SIGLEC12: variants seen among roughly 807,000 people sequenced by gnomAD.
SIGLEC12 encodes sialic acid binding Ig like lectin 12.
Under a neutral mutation model 54.1 loss-of-function variants are expected in SIGLEC12, and 43 were observed. That is an observed-to-expected ratio of 0.80 (90% confidence interval 0.62 to 1.03). The LOEUF is 1.03. Ranked by LOEUF, SIGLEC12 falls within the 50% of genes least tolerant of loss-of-function variation. The pLI is 0.00. For missense variants in SIGLEC12, 802 were observed against 735.2 expected (o/e 1.09, Z -1.05); for synonymous variants, 357 against 307.6 (o/e 1.16, Z -1.68).
rs781276956 is a variant in SIGLEC12, at chr19:51,496,931, C to T, written c.1548G>A (p.Val516=). The T allele has an allele frequency of 1.2e-6, 2 of 1,613,808 alleles. No individual in the cohort carries two copies. The highest frequency in any genetic ancestry group is 1.7e-5 in the Admixed American group (1 of 60,034). Residue 516 remains valine (V), a synonymous_variant, in exon 7 of 8, where the codon GTG becomes GTA. Coordinates refer to ENST00000291707, the MANE Select transcript of SIGLEC12 (RefSeq NM_053003.4). ...TTGCGTCCTCCATGCCTGTATCCCC[C>T]ACGCCCACTGCTGGCCTTGCCGATT... is the stretch of plus-strand genomic sequence containing the variant. ...RKKSARPAVG[V]GDTGMEDANA...
At chr19:51,496,647 C>T (rs1990245863) in intron 7 of SIGLEC12, among the ~76,000 whole-genome samples, 1 of 151,948 alleles carries the variant, frequency 6.6e-6, no homozygotes, top group Non-Finnish European at 1.5e-5. Flanking sequence ...GAAGGGGAGG[C>T]AAGAGGCAGG....
Position 51,497,369 on chromosome 19 carries a change from G to T in SIGLEC12, c.1482C>A (p.Tyr494Ter), listed in dbSNP as rs1990269748. Residue 494 changes from tyrosine to a stop codon, truncating the protein, a stop_gained, in exon 6 of 8, where the codon TAC becomes TAA. Transcript: ENST00000291707. LOFTEE classifies it high-confidence loss of function. ...CTCACACAACGAAGATGATGCAGAA[G>T]TACAGGAAGACCAGGGCTGTGGCTC... ...GAGATALVFLYFCIIFVVVRS... is the reference protein window; with the variant it reads ...GAGATALVFL The T allele has an allele frequency of 1.9e-6, 3 of 1,613,274 alleles. No homozygotes were observed. Among genetic ancestry groups the T allele is most frequent in the Non-Finnish European group, 2.5e-6 (3 of 1,179,328 alleles).
intron 1 of SIGLEC12, 72 bp from the exon 2 acceptor site, chr19:51,500,372 A>C (rs772462708): frequency 1.2e-6 from 2 of 1,612,378 alleles, no homozygotes; most frequent in Non-Finnish European, 1.7e-6. Context: ...GGGCAGCAGC[A>C]TCTCTGAGGC....
In SIGLEC12 at chr19:51,497,435, C is replaced by T. The variant is rs1990272677; in HGVS notation, c.1416G>A (p.Arg472=). The part of the protein sequence containing the change: ...SLQNEYTGKM[R]PISGVTLGAF... Reference sequence around the variant, plus strand: ...CCCCTAGCGTCACTCCTGATATAGGCCTCATTTTGCCTGAGGATGGATTGG... The same window carrying T: ...CCCCTAGCGTCACTCCTGATATAGGTCTCATTTTGCCTGAGGATGGATTGG... Residue 472 remains arginine (R), a synonymous_variant, in exon 6 of 8, where the codon AGG becomes AGA. Coordinates refer to ENST00000291707, the MANE Select transcript of SIGLEC12 (RefSeq NM_053003.4). 5.0e-6 allele frequency: 8 copies of T among 1,610,824 alleles called. No homozygotes were observed. The highest frequency in any genetic ancestry group is 1.7e-5 in the Admixed American group (1 of 59,864).
At chr19:51,497,864 C>CAAGATTAACTCCTCCCCTCT (rs1185755131) in intron 5 of SIGLEC12, among the ~76,000 whole-genome samples, 154 bp downstream of exon 5, 1 of 152,196 alleles carries the variant, frequency 6.6e-6, no homozygotes, top group East Asian at 1.9e-4. Flanking sequence ...TCCTCCCCTC[C>CAAGATTAACTCCTCCCCTCT]AAGATTAACT....
Position 51,495,394 on chromosome 19 carries a change from T to C in SIGLEC12, c.1599+1486A>G, listed in dbSNP as rs866833823. On this transcript the variant is annotated intron_variant, in intron 7 of 7. Coordinates refer to ENST00000291707, the MANE Select transcript of SIGLEC12 (RefSeq NM_053003.4). ...ATGGATGGATGGATGGATGGATGGA[T>C]GGATGGGTGGGTGGGTGGGTGGATG... Among the ~76,000 whole-genome samples, 90 of 56,120 alleles carry C rather than the reference T, an allele frequency of 1.6e-3. 1 individual carries two copies. Among genetic ancestry groups the C allele is most frequent in the African/African-American group, 2.2e-3 (30 of 13,402 alleles). The allele number at this position is 56,120 out of a possible 152,430, so 36.8% of individuals were successfully genotyped here. A position where few individuals can be genotyped will look rare whatever the true frequency, so the allele number is the denominator to read the frequency against.
rs1451275895 is a variant in SIGLEC12, at chr19:51,501,213, C to T, written c.427+94G>A. 4.4e-6 allele frequency: 6 copies of T among 1,360,078 alleles called. No individual in the cohort carries two copies. The Admixed American group carries it at 1.1e-4, about 24-fold the overall frequency. 84.3% of individuals were successfully genotyped at this position (1,360,078 alleles called of 1,614,324 possible). Reference sequence around the variant, plus strand: ...CAGCTCCTCCCCTGAGTCCATCACCCCCGGCCCCCTCCCAGGACATGTGTC... The same window carrying T: ...CAGCTCCTCCCCTGAGTCCATCACCTCCGGCCCCCTCCCAGGACATGTGTC... On this transcript the variant is annotated intron_variant, in intron 1 of 7. Transcript: ENST00000291707.
chr19:51,491,682 C>T lies in SIGLEC12; in HGVS notation c.1747G>A (p.Ala583Thr), dbSNP rs144791372. The change falls in exon 8 of 8, where the codon GCC becomes ACC. Residue 583 changes from alanine (A) to threonine (T), a missense_variant. By Grantham distance (58) the Ala-to-Thr change is moderately conservative. Transcript: ENST00000291707. ...ARPQYPQEQEAIGYEYSEINI... is the reference protein window; with the variant it reads ...ARPQYPQEQETIGYEYSEINI... ...ATCTCGGAGTACTCATAGCCGATGG[C>T]CTCCTGTTCCTGTGGGTACTGAGGC... 2 of 1,613,492 alleles carry T rather than the reference C, an allele frequency of 1.2e-6. No individual in the cohort carries two copies. Among genetic ancestry groups the T allele is most frequent in the Non-Finnish European group, 8.5e-7 (1 of 1,179,808 alleles).
rs1466648206 is a variant in SIGLEC12 at position 51,491,320 on chromosome 19, A to G, written c.*321T>C. 1.1e-5 allele frequency: 3 copies of G among 282,064 alleles called. No individual in the cohort carries two copies. The highest frequency in any genetic ancestry group is 6.7e-5 in the African/African-American group (3 of 44,798). The allele number at this position is 282,064 out of a possible 1,614,324, so 17.5% of individuals were successfully genotyped here. On this transcript the variant is annotated 3_prime_UTR_variant, in exon 8 of 8. Transcript: ENST00000291707. ...AACAACACGGATGAACCTAGAGAACATTATGTTGAGTGAAATAAGCCAGGT... is the reference window on the plus strand; with the variant it reads ...AACAACACGGATGAACCTAGAGAACGTTATGTTGAGTGAAATAAGCCAGGT...
At chr19:51,497,537 C>G (rs1397021596) in intron 5 of SIGLEC12, 92 bp from the exon 6 acceptor site, 2 of 854,970 alleles carry the variant, frequency 2.3e-6, no homozygotes, top group Non-Finnish European at 3.7e-6. Context: ...ACTTGGGTAC[C>G]CCAGTCCCGC....
rs1568528773 is a variant in SIGLEC12, at chr19:51,495,254, T to TGGATGGAC, written c.1599+1625_1599+1626insGTCCATCC. Among the ~76,000 whole-genome samples, 17 of 106,062 alleles carry TGGATGGAC rather than the reference T, an allele frequency of 1.6e-4. 1 individual carries two copies. Among genetic ancestry groups the TGGATGGAC allele is most frequent in the Admixed American group, 1.9e-4 (2 of 10,360 alleles). The allele number at this position is 106,062 out of a possible 152,430, so 69.6% of individuals were successfully genotyped here. ...ATGGATGGATGGATGGATGGACGGG[T>TGGATGGAC]GGGTGGGTGGATGGATGGATGGATG... On this transcript the variant is annotated intron_variant, in intron 7 of 7. Coordinates refer to ENST00000291707, the MANE Select transcript of SIGLEC12 (RefSeq NM_053003.4).
intron 6 of SIGLEC12, 88 bp downstream of exon 6, chr19:51,497,261 C>T: frequency 8.2e-7 from 1 of 1,220,092 alleles, no homozygotes; most frequent in Non-Finnish European, 1.2e-6. Context: ...GCTCTTGACC[C>T]ATCCAGGTCC....
At chr19:51,496,772 T>G in intron 7 of SIGLEC12, 108 bp downstream of exon 7, 2 of 1,300,484 alleles carry the variant, frequency 1.5e-6, no homozygotes, top group Admixed American at 3.6e-5. Flanking sequence ...CAGGACGTGA[T>G]TTTTCGGCTG....
chr19:51,494,931 A>G (rs1599950783), intron 7 of SIGLEC12, among the ~76,000 whole-genome samples: 1 of 152,320 alleles, frequency 6.6e-6, no homozygotes, highest in Non-Finnish European at 1.5e-5. Context: ...ATAGGAAAAT[A>G]AAGTAAAATT....
rs1375394556 is a variant in SIGLEC12, at chr19:51,500,084, T to A, written c.644A>T (p.Asp215Val). 1 of 1,614,180 alleles carries A rather than the reference T, an allele frequency of 6.2e-7. No individual in the cohort carries two copies. Among genetic ancestry groups the A allele is most frequent in the East Asian group, 2.2e-5 (1 of 44,878 alleles). Residue 215 changes from aspartate (D) to valine (V), a missense_variant, in exon 2 of 8, where the codon GAT becomes GTT. Transcript: ENST00000291707. ...AAGGAGGAGGAATCGACCGTGGGTA[T>A]CCTCTTGCACTTTTCCACTTGGGGT... ...TNTPSGKVQE[D>V]THGRFLLLGD...
At chr19:51,493,872 C>T (rs372728258) in intron 7 of SIGLEC12, among the ~76,000 whole-genome samples, 61 of 152,334 alleles carry the variant, frequency 4.0e-4, no homozygotes, top group African/African-American at 1.4e-3. Context: ...CCAGAGGGAT[C>T]CCATGAAAAT....
chr19:51,498,162 T>TC lies in SIGLEC12; in HGVS notation c.1260dup (p.Ser421GlufsTer21). 1 of 1,614,200 alleles carries TC rather than the reference T, an allele frequency of 6.2e-7. No individual in the cohort carries two copies. Among genetic ancestry groups the TC allele is most frequent in the Non-Finnish European group, 8.5e-7 (1 of 1,180,032 alleles). ...CCAAGGTTCGAGGACTGTGAGGGGC[T>TC]CAGGGTCAGGCTCCCCCAGGTCCAG... On this transcript the variant is annotated frameshift_variant, in exon 5 of 8. Coordinates refer to ENST00000291707, the MANE Select transcript of SIGLEC12 (RefSeq NM_053003.4). LOFTEE classifies it high-confidence loss of function.
At position 51,500,676 on chromosome 19, in the gene SIGLEC12, C is replaced by T. The variant is rs560418493; in HGVS notation, c.428-376G>A. On this transcript the variant is annotated intron_variant, in intron 1 of 7. Transcript: ENST00000291707. ...ACCAGACACGTAGGTCCTGCCCTCC[C>T]GGCCTCTGGACCATCGTGGAGGTCC... 2.0e-5 allele frequency among the ~76,000 whole-genome samples: 3 copies of T among 152,138 alleles called. No individual in the cohort carries two copies. The South Asian group carries it at 6.2e-4, about 32-fold the overall frequency.
chr19:51,493,208 A>G (rs1990152965), intron 7 of SIGLEC12, among the ~76,000 whole-genome samples: 1 of 151,806 alleles, frequency 6.6e-6, no homozygotes, highest in Non-Finnish European at 1.5e-5. Flanking sequence ...GCAGCAGAGG[A>G]CCCAGCTGCT....
Sources: allele counts gnomAD v4.1 joint callset (sites outside exome capture counted in the v4.1 genomes callset), GRCh38; gene constraint gnomAD v4.1.1; transcripts MANE v1.5; gene names NCBI Gene and HGNC (gene_info 2026-07-23, HGNC 2026-07-21).